The following EIF4G3 variants were observed in gnomAD, a reference collection of about 807,000 sequenced individuals.
EIF4G3 encodes the protein eIF-4-gamma 3.
In EIF4G3, 34 loss-of-function variants were observed where a neutral mutation model predicts 186.4. That is an observed-to-expected ratio of 0.18 (90% CI 0.14 to 0.24). The LOEUF is 0.24. Ranked by LOEUF, EIF4G3 falls within the 10% of genes least tolerant of loss-of-function variation. The probability of loss-of-function intolerance (pLI) is 1.00; values close to 1 mark genes in which losing one functional copy is unlikely to be tolerated. For missense variants in EIF4G3, 1,536 were observed against 1,948.5 expected, an observed-to-expected ratio of 0.79 and a Z score of 3.99; for synonymous variants, 673 against 679.5, an observed-to-expected ratio of 0.99 and a Z score of 0.15.
In EIF4G3 at chr1:21,027,928, C is replaced by T. The variant is rs142959961; in HGVS notation, c.-67+22938G>A. On this transcript the variant is annotated intron_variant, in intron 4 of 36. Transcript: ENST00000602326. Reference sequence around the variant, plus strand: ...ATGAATAGATAAGCACAATATGGTACCATAGATAAAGTGAAACATTAGCCT... The same window carrying T: ...ATGAATAGATAAGCACAATATGGTATCATAGATAAAGTGAAACATTAGCCT... Among the ~76,000 whole-genome samples, 285 of 152,124 alleles carry T rather than the reference C, an allele frequency of 1.9e-3. 1 individual carries two copies. The highest frequency in any genetic ancestry group is 6.4e-3 in the African/African-American group (266 of 41,476).
intron 7 of EIF4G3, among the ~76,000 whole-genome samples, chr1:20,991,371 T>C (rs2081062863): frequency 6.6e-6 from 1 of 152,070 alleles, no homozygotes; most frequent in African/African-American, 2.4e-5. Flanking sequence ...AGCTCAAGAC[T>C]GGCCTGACCA....
intron 2 of EIF4G3, among the ~76,000 whole-genome samples, chr1:21,101,383 C>T (rs190026889): frequency 2.6e-5 from 4 of 151,792 alleles, no homozygotes; most frequent in African/African-American, 4.8e-5. Context: ...GCCTGGCCAA[C>T]GTGGCAAAAC....
chr1:20,961,755 A>T lies in EIF4G3; in HGVS notation c.714+7719T>A, dbSNP rs1345330624. On this transcript the variant is annotated intron_variant, in intron 12 of 36. Coordinates refer to ENST00000602326, the MANE Select transcript of EIF4G3 (RefSeq NM_001391906.1). ...TTTGAGAGAATCCACCCCAGTTTAG[A>T]TACCTATTTAAAGTCTACAAGGCTT... Among the ~76,000 whole-genome samples the T allele has an allele frequency of 3.3e-5, 5 of 152,242 alleles. No individual in the cohort carries two copies. In the East Asian group the frequency reaches 9.6e-4, roughly 29 times the overall value.
chr1:21,069,633 T>C (rs2095380290), intron 3 of EIF4G3, among the ~76,000 whole-genome samples: 2 of 152,230 alleles, frequency 1.3e-5, no homozygotes, highest in Admixed American at 6.5e-5. Context: ...TTTCAGTTAT[T>C]TTGTACTTAG....
chr1:20,827,095 T>A (rs1003964493), intron 32 of EIF4G3, among the ~76,000 whole-genome samples: 8 of 152,206 alleles, frequency 5.3e-5, no homozygotes, highest in Non-Finnish European at 1.0e-4. Flanking sequence ...AGAATCTTCA[T>A]TTCTGAGTTC....
At chr1:21,116,697 G>A (rs2096829563) in intron 2 of EIF4G3, among the ~76,000 whole-genome samples, 1 of 151,708 alleles carries the variant, frequency 6.6e-6, no homozygotes, top group Non-Finnish European at 1.5e-5. Flanking sequence ...AAATTAGCTG[G>A]GCGTGGTGGC....
At chr1:21,089,895 T>C (rs944812097) in intron 2 of EIF4G3, among the ~76,000 whole-genome samples, 3 of 152,234 alleles carry the variant, frequency 2.0e-5, no homozygotes, top group African/African-American at 4.8e-5. Flanking sequence ...TTGTGCTTAT[T>C]ACCAGTTCTC....
intron 4 of EIF4G3, among the ~76,000 whole-genome samples, chr1:21,025,547 G>A (rs1055944367): frequency 6.6e-6 from 1 of 152,158 alleles, no homozygotes; most frequent in Non-Finnish European, 1.5e-5. Flanking sequence ...CTTCTCCAAG[G>A]TTTGAGGATT....
chr1:20,813,958 T>C (rs903441959), intron 34 of EIF4G3, among the ~76,000 whole-genome samples: 1 of 138,436 alleles, frequency 7.2e-6, no homozygotes, highest in Non-Finnish European at 1.6e-5. Flanking sequence ...TTTTTTTTTT[T>C]TTTTTTTTTT....
At chr1:20,931,729 A>G (rs956258172) in intron 14 of EIF4G3, among the ~76,000 whole-genome samples, 1 of 152,158 alleles carries the variant, frequency 6.6e-6, no homozygotes, top group African/African-American at 2.4e-5. Flanking sequence ...GATTGAGACC[A>G]TCCTGGCCAA....
intron 3 of EIF4G3, among the ~76,000 whole-genome samples, chr1:21,084,942 T>G (rs1294087050): frequency 1.3e-5 from 2 of 151,248 alleles, no homozygotes; most frequent in Admixed American, 6.7e-5. Context: ...TCCATTACCA[T>G]ATCCTGAACA....
At chr1:20,857,277 G>A in intron 25 of EIF4G3, 126 bp downstream of exon 25, 3 of 763,782 alleles carry the variant, frequency 3.9e-6, no homozygotes, top group Admixed American at 2.2e-5. Context: ...CAATATTGCT[G>A]TTTTACTTTA....
intron 3 of EIF4G3, among the ~76,000 whole-genome samples, chr1:21,077,794 C>T (rs532693533): frequency 1.1e-4 from 17 of 151,102 alleles, no homozygotes; most frequent in Admixed American, 3.3e-4. Flanking sequence ...GCAGGAGAAT[C>T]GCTTGAACCC....
chr1:21,026,586 T>C (rs1328705364), intron 4 of EIF4G3, among the ~76,000 whole-genome samples: 4 of 150,986 alleles, frequency 2.6e-5, no homozygotes, highest in African/African-American at 7.3e-5. Flanking sequence ...TCGAAAGATA[T>C]TACACCAAGA....
chr1:20,899,718 C>T lies in EIF4G3; in HGVS notation c.1978G>A (p.Val660Ile). 11 of 1,614,120 alleles carry T rather than the reference C, an allele frequency of 6.8e-6. No individual in the cohort carries two copies. The highest frequency in any genetic ancestry group is 8.5e-6 in the Non-Finnish European group (10 of 1,180,004). Residue 660 changes from valine to isoleucine, a missense_variant, in exon 16 of 37, where the codon GTT (valine) becomes ATT (isoleucine). Transcript: ENST00000602326. ...SGSTDSSGDG[V>I]TFPFKPESWK... ...TTACCTGGTTTAAATGGAAATGTAA[C>T]CCCATCACCAGAACTATCTGTGGAG...
intron 29 of EIF4G3, 103 bp from the exon 30 acceptor site, chr1:20,841,131 CT>C: frequency 8.7e-7 from 1 of 1,152,662 alleles, no homozygotes; most frequent in East Asian, 2.5e-5. Context: ...TCAGTAGAAA[CT>C]TCCATGAACA....
chr1:21,155,404 C>T (rs546409751), intron 2 of EIF4G3, among the ~76,000 whole-genome samples: 1 of 152,038 alleles, frequency 6.6e-6, no homozygotes, highest in Non-Finnish European at 1.5e-5. Flanking sequence ...GTTTATCATG[C>T]TCTGTTCAAT....
At chr1:20,817,678 G>A in intron 33 of EIF4G3, 140 bp from the exon 34 acceptor site, 1 of 232,806 alleles carries the variant, frequency 4.3e-6, no homozygotes, top group Non-Finnish European at 7.4e-6. Flanking sequence ...TTTTATGTTT[G>A]TAGTTTTTTT....
intron 14 of EIF4G3, among the ~76,000 whole-genome samples, chr1:20,922,785 G>A (rs2094572865): frequency 6.6e-6 from 1 of 152,086 alleles, no homozygotes. Flanking sequence ...TACAAGCTAA[G>A]AATAATTATT....
Sources: gnomAD v4.1 joint callset for allele counts (sites outside exome capture counted in the v4.1 genomes callset) on GRCh38, gnomAD v4.1.1 for gene constraint, MANE v1.5 for transcripts, NCBI Gene and HGNC (gene_info 2026-07-23, HGNC 2026-07-21) for gene names.